CTCF: variants seen among roughly 807,000 people sequenced by gnomAD.
The protein encoded by CTCF is transcriptional repressor CTCF.
CTCF carries 7 observed loss-of-function variants against 72.3 expected under a neutral mutation model. That is an observed-to-expected ratio of 0.10 (90% CI 0.06 to 0.18). The LOEUF (loss-of-function observed/expected upper bound fraction) is 0.18, where lower values mean the gene tolerates loss of function less well. CTCF is among the 10% of genes least tolerant of loss of function. The probability of loss-of-function intolerance (pLI) is 1.00; values close to 1 mark genes in which losing one functional copy is unlikely to be tolerated. For synonymous variants in CTCF, 374 were observed against 315.8 expected (o/e 1.18, Z -1.95); for missense variants, 516 against 949.1 (o/e 0.54, Z 6.00).
chr16:67,609,845 C>G (rs1408900173), intron 2 of CTCF, among the ~76,000 whole-genome samples: 2 of 152,056 alleles, frequency 1.3e-5, no homozygotes, highest in African/African-American at 4.8e-5. Flanking sequence ...AGGATGGTCT[C>G]GATCTCCTGA....
intron 2 of CTCF, among the ~76,000 whole-genome samples, chr16:67,589,587 C>G (rs1740373683): frequency 6.6e-6 from 1 of 152,108 alleles, no homozygotes; most frequent in Non-Finnish European, 1.5e-5. Context: ...CACTATATAG[C>G]TGCTATTTGT....
At chr16:67,610,576 G>C (rs1453983207) in intron 2 of CTCF, 15 of 181,222 alleles carry the variant, frequency 8.3e-5, no homozygotes, top group Non-Finnish European at 5.7e-5. Flanking sequence ...GGATGTTCTC[G>C]ATCTCCTGAC....
chr16:67,626,213 G>A (rs2052285373), intron 7 of CTCF, among the ~76,000 whole-genome samples: 1 of 152,018 alleles, frequency 6.6e-6, no homozygotes, highest in African/African-American at 2.4e-5. Flanking sequence ...GCCGAGGCGG[G>A]CAGATCACGA....
chr16:67,572,147 C>G (rs933221967), intron 2 of CTCF, among the ~76,000 whole-genome samples: 1 of 152,124 alleles, frequency 6.6e-6, no homozygotes, highest in African/African-American at 2.4e-5. Flanking sequence ...CAAGCTCTGC[C>G]TGGAGCAAAT....
At chr16:67,589,540 G>A (rs1356342174) in intron 2 of CTCF, among the ~76,000 whole-genome samples, 1 of 152,050 alleles carries the variant, frequency 6.6e-6, no homozygotes, top group Admixed American at 6.6e-5. Flanking sequence ...TGCCAGGGTG[G>A]TAGGAAGTAT....
At chr16:67,608,335 TAAAA>T (rs76741186) in intron 2 of CTCF, among the ~76,000 whole-genome samples, 3 of 131,882 alleles carry the variant, frequency 2.3e-5, no homozygotes, top group African/African-American at 8.2e-5. Flanking sequence ...AAAAAAAAAT[TAAAA>T]AAAAAAAAAC....
intron 2 of CTCF, among the ~76,000 whole-genome samples, chr16:67,575,567 C>T (rs1306725439): frequency 6.6e-6 from 1 of 152,038 alleles, no homozygotes. Flanking sequence ...GCCTCAGCCT[C>T]CTGAATAGCT....
intron 2 of CTCF, among the ~76,000 whole-genome samples, chr16:67,594,109 C>T (rs2142771482): frequency 6.6e-6 from 1 of 152,114 alleles, no homozygotes; most frequent in Non-Finnish European, 1.5e-5. Context: ...TTATTTTTCT[C>T]TATTAAGAAG....
chr16:67,636,103 C>G (rs2052424208), intron 10 of CTCF, among the ~76,000 whole-genome samples: 1 of 151,526 alleles, frequency 6.6e-6, no homozygotes, highest in Non-Finnish European at 1.5e-5. Flanking sequence ...TGGCTGGGCA[C>G]GTTGGCTCAT....
intron 2 of CTCF, among the ~76,000 whole-genome samples, chr16:67,585,355 A>G (rs2051655696): frequency 6.6e-6 from 1 of 152,164 alleles, no homozygotes. Context: ...CGTCTTACAC[A>G]TGTCTTCAGT....
intron 4 of CTCF, chr16:67,615,809 G>T (rs1375037206): frequency 6.6e-6 from 1 of 152,152 alleles, no homozygotes; most frequent in Non-Finnish European, 1.5e-5. Flanking sequence ...TTATACTCCA[G>T]TCACTCTTCC....
In CTCF at chr16:67,629,720, T is replaced by C. The variant is rs534777889; in HGVS notation, c.1837+187T>C. Among the ~76,000 whole-genome samples, 5 of 150,332 alleles carry C rather than the reference T, an allele frequency of 3.3e-5. No homozygotes were observed. In the South Asian group the frequency reaches 1.1e-3, roughly 32 times the overall value. On this transcript the variant is annotated intron_variant, in intron 10 of 11. Coordinates refer to ENST00000264010, the MANE Select transcript of CTCF (RefSeq NM_006565.4). ...TTTCTGGGGCATATTTTCTTTTTTCTTCGTGGCATTCCGCTCATTAATGCC... is the reference window on the plus strand; with the variant it reads ...TTTCTGGGGCATATTTTCTTTTTTCCTCGTGGCATTCCGCTCATTAATGCC...
chr16:67,610,471 G>C (rs2052047038), intron 2 of CTCF: 1 of 150,862 alleles, frequency 6.6e-6, no homozygotes, highest in Non-Finnish European at 1.5e-5. Context: ...TTCTGCCTCA[G>C]CCTCCCGAGT....
At chr16:67,607,805 G>A (rs763717424) in intron 2 of CTCF, among the ~76,000 whole-genome samples, 17 of 150,828 alleles carry the variant, frequency 1.1e-4, no homozygotes, top group Non-Finnish European at 2.2e-4. Context: ...AGATCACGAG[G>A]TCAGAAGTTC....
In CTCF at chr16:67,638,650, C is replaced by G. The variant is rs1228946246; in HGVS notation, c.*778C>G. ...ACGTGGCAGATCATGATTTCCAGCC[C>G]ACGGAGCCAGCATTTGAACCTTGTA... is the stretch of plus-strand genomic sequence containing the variant. On this transcript the variant is annotated 3_prime_UTR_variant, in exon 12 of 12. Coordinates refer to ENST00000264010, the MANE Select transcript of CTCF (RefSeq NM_006565.4). 4.3e-6 allele frequency: 1 copy of G among 231,732 alleles called. No individual in the cohort carries two copies. Among genetic ancestry groups the G allele is most frequent in the Non-Finnish European group, 8.6e-6 (1 of 116,918 alleles). 14.4% of individuals were successfully genotyped at this position (231,732 alleles called of 1,614,324 possible). A position where few individuals can be genotyped will look rare whatever the true frequency, so the allele number is the denominator to read the frequency against.
intron 4 of CTCF, among the ~76,000 whole-genome samples, chr16:67,612,670 C>T (rs910819228): frequency 6.6e-6 from 1 of 151,776 alleles, no homozygotes; most frequent in African/African-American, 2.4e-5. Flanking sequence ...CAGTGGCTCA[C>T]GCCTGTAATC....
chr16:67,608,335 T>TA (rs76741186), intron 2 of CTCF, among the ~76,000 whole-genome samples: 261 of 131,604 alleles, frequency 2.0e-3, no homozygotes, highest in East Asian at 6.0e-3. Flanking sequence ...AAAAAAAAAT[T>TA]AAAAAAAAAA....
intron 2 of CTCF, among the ~76,000 whole-genome samples, chr16:67,584,681 A>G (rs368620849): frequency 2.4e-4 from 37 of 151,986 alleles, no homozygotes; most frequent in South Asian, 1.0e-3. Context: ...CTTCTTACCT[A>G]TAAGTATTAC....
chr16:67,600,676 TA>T (rs1217850787), intron 2 of CTCF, among the ~76,000 whole-genome samples: 2 of 152,134 alleles, frequency 1.3e-5, no homozygotes, highest in Non-Finnish European at 2.9e-5. Flanking sequence ...CACCTAGTCA[TA>T]AGGACAGATT....
Sources: allele counts gnomAD v4.1 joint callset (sites outside exome capture counted in the v4.1 genomes callset), GRCh38; gene constraint gnomAD v4.1.1; transcripts MANE v1.5; gene names NCBI Gene and HGNC (gene_info 2026-07-23, HGNC 2026-07-21).